The following RCC1 variants were observed in gnomAD, a reference collection of about 807,000 sequenced individuals.
RCC1 encodes the protein regulator of chromosome condensation 1.
In RCC1, 11 loss-of-function variants were observed where a neutral mutation model predicts 44.4. The ratio of observed to expected loss-of-function variants is 0.25; its 90% CI spans 0.16 to 0.41. RCC1 has a LOEUF of 0.41. RCC1 is among the 10% of genes least tolerant of loss of function. RCC1 has a pLI of 1.00. For missense variants in RCC1, 386 were observed against 547.1 expected, an observed-to-expected ratio of 0.71 and a Z score of 2.94; for synonymous variants, 213 against 216.5, an observed-to-expected ratio of 0.98 and a Z score of 0.14.
At chr1:28,532,491 C>A in intron 7 of RCC1, 141 bp downstream of exon 7, 1 of 877,552 alleles carries the variant, frequency 1.1e-6, no homozygotes, top group Non-Finnish European at 1.7e-6. Context: ...AGGCCCAGAC[C>A]CAGGACTCTA....
chr1:28,507,108 T>G (rs1378802422), intron 1 of RCC1: 1 of 230,088 alleles, frequency 4.3e-6, no homozygotes, highest in South Asian at 4.9e-5. Context: ...TCCACGTGTT[T>G]CATTTGAATT....
chr1:28,532,066 C>A, intron 6 of RCC1, 76 bp downstream of exon 6: 1 of 1,560,898 alleles, frequency 6.4e-7, no homozygotes, highest in East Asian at 2.3e-5. Context: ...TTGAACCACG[C>A]ATGTTCACTG....
chr1:28,512,830 G>A (rs376124736), intron 3 of RCC1, among the ~76,000 whole-genome samples: 5 of 151,790 alleles, frequency 3.3e-5, no homozygotes, highest in Admixed American at 6.6e-5. Context: ...TGGAGACTGC[G>A]TCTCCAAAGG....
chr1:28,516,879 T>C lies in RCC1; in HGVS notation c.-10+12T>C, dbSNP rs1410153818. ...GTAAACTTGGAGAGGTAAGAAACCCTGAAGACAGGGGAGTGCTTTGTGGCA... is the reference window on the plus strand; with the variant it reads ...GTAAACTTGGAGAGGTAAGAAACCCCGAAGACAGGGGAGTGCTTTGTGGCA... On this transcript the variant is annotated intron_variant, in intron 4 of 12. Transcript: ENST00000683442. The C allele has an allele frequency of 1.1e-5, 5 of 456,418 alleles. No individual in the cohort carries two copies. The highest frequency in any genetic ancestry group is 2.2e-5 in the Non-Finnish European group (5 of 226,926). The allele number at this position is 456,418 out of a possible 1,614,324, so 28.3% of individuals were successfully genotyped here.
chr1:28,534,553 C>T (rs1223747338), intron 7 of RCC1, among the ~76,000 whole-genome samples: 1 of 152,204 alleles, frequency 6.6e-6, no homozygotes, highest in Non-Finnish European at 1.5e-5. Context: ...CGTCTTAGCT[C>T]ATTACAGCCT....
At chr1:28,511,104 G>A (rs1557866984) in intron 3 of RCC1, among the ~76,000 whole-genome samples, 1 of 152,116 alleles carries the variant, frequency 6.6e-6, no homozygotes, top group African/African-American at 2.4e-5. Flanking sequence ...TGTTCTTTGT[G>A]TAGGCAGACA....
chr1:28,520,701 G>A (rs549639147), intron 4 of RCC1, among the ~76,000 whole-genome samples: 2 of 152,242 alleles, frequency 1.3e-5, no homozygotes, highest in Admixed American at 1.3e-4. Flanking sequence ...TGGAAGCTGT[G>A]TTGTGTGGGG....
chr1:28,517,125 A>G (rs1225383427), intron 4 of RCC1, among the ~76,000 whole-genome samples: 2 of 152,036 alleles, frequency 1.3e-5, no homozygotes, highest in African/African-American at 2.4e-5. Context: ...CGATCTCAAA[A>G]AAAAAAAAAG....
chr1:28,536,068 C>G lies in RCC1; in HGVS notation c.817+42C>G. On this transcript the variant is annotated intron_variant, in intron 10 of 12. Coordinates refer to ENST00000683442, the MANE Select transcript of RCC1 (RefSeq NM_001381865.2). The surrounding 1 kb of genome is among the most constrained non-coding windows in gnomAD (Gnocchi z 4.9). ...GCTTCAGGCATGACCCAGTGGCCTGCGTTCCTGTCCTGGCTCTGCCACTCA... is the reference window on the plus strand; with the variant it reads ...GCTTCAGGCATGACCCAGTGGCCTGGGTTCCTGTCCTGGCTCTGCCACTCA... The G allele has an allele frequency of 6.4e-7, 1 of 1,570,060 alleles. No homozygotes were observed. Among genetic ancestry groups the G allele is most frequent in the Non-Finnish European group, 8.6e-7 (1 of 1,156,236 alleles).
chr1:28,508,335 T>C, intron 2 of RCC1, 175 bp downstream of exon 2: 1 of 352,932 alleles, frequency 2.8e-6, no homozygotes, highest in Non-Finnish European at 5.6e-6. Context: ...GTAGGCATGT[T>C]GACATAACTT....
intron 4 of RCC1, among the ~76,000 whole-genome samples, chr1:28,529,414 T>C (rs1312565723): frequency 6.6e-6 from 1 of 151,956 alleles, no homozygotes; most frequent in Non-Finnish European, 1.5e-5. Flanking sequence ...GAACTCCTGA[T>C]CTCAGGTAAT....
At position 28,537,901 on chromosome 1, in the gene RCC1, G is replaced by C; in HGVS notation, c.1160G>C (p.Ser387Thr). Residue 387 changes from serine (S) to threonine (T), a missense_variant, in exon 13 of 13, where the codon AGC (serine) becomes ACC (threonine). Transcript: ENST00000683442. ...ACAGGGCAGGATGAGGACGCCTGGA[G>C]CCCTGTGGAGATGATGGGCAAACAG... ...LGTGQDEDAWSPVEMMGKQLE... is the reference protein window; with the variant it reads ...LGTGQDEDAWTPVEMMGKQLE... The C allele has an allele frequency of 6.2e-7, 1 of 1,613,732 alleles. No individual in the cohort carries two copies. The highest frequency in any genetic ancestry group is 8.5e-7 in the Non-Finnish European group (1 of 1,179,910).
intron 2 of RCC1, chr1:28,508,612 A>G: frequency 1.9e-6 from 1 of 518,848 alleles, no homozygotes; most frequent in South Asian, 1.4e-5. Context: ...CAAGTGGCAT[A>G]GGGGAGCTTA....
At chr1:28,509,219 T>C (rs1364593546) in intron 3 of RCC1, 4 of 269,772 alleles carry the variant, frequency 1.5e-5, no homozygotes, top group African/African-American at 4.5e-5. Context: ...ATTCATACTT[T>C]AAGAACCACA....
At chr1:28,529,037 ATT>A (rs779736390) in intron 4 of RCC1, among the ~76,000 whole-genome samples, 72 of 101,822 alleles carry the variant, frequency 7.1e-4, no homozygotes, top group Admixed American at 9.2e-4. Flanking sequence ...TAATTTTTGT[ATT>A]TTTTTTTTTT....
intron 4 of RCC1, among the ~76,000 whole-genome samples, chr1:28,520,875 C>G (rs1053085110): frequency 1.3e-5 from 2 of 151,998 alleles, no homozygotes; most frequent in African/African-American, 4.8e-5. Context: ...GTCAGGAGTT[C>G]AAGACCAGCC....
At chr1:28,517,636 C>T (rs1415108459) in intron 4 of RCC1, among the ~76,000 whole-genome samples, 1 of 152,074 alleles carries the variant, frequency 6.6e-6, no homozygotes. Flanking sequence ...CCATATATCC[C>T]TACTGCCTCA....
In RCC1 at chr1:28,537,518, C is replaced by G. The variant is rs1664627973; in HGVS notation, c.1091-314C>G. Among the ~76,000 whole-genome samples, 4 of 152,196 alleles carry G rather than the reference C, an allele frequency of 2.6e-5. No individual in the cohort carries two copies. The South Asian group carries it at 8.3e-4, about 31-fold the overall frequency. On this transcript the variant is annotated intron_variant, in intron 12 of 12. Transcript: ENST00000683442. Reference sequence around the variant, plus strand: ...CTTGTGAAAAGCAAAGAATGCCATTCCAGGCAGAGGAACATCAGGGCAGTC... The same window carrying G: ...CTTGTGAAAAGCAAAGAATGCCATTGCAGGCAGAGGAACATCAGGGCAGTC...
chr1:28,521,676 C>A (rs1017386876), intron 4 of RCC1, among the ~76,000 whole-genome samples: 4 of 152,188 alleles, frequency 2.6e-5, no homozygotes, highest in Non-Finnish European at 5.9e-5. Flanking sequence ...CTGTCCTTCC[C>A]CACATCTGTG....
Sources: allele counts gnomAD v4.1 joint callset (sites outside exome capture counted in the v4.1 genomes callset), GRCh38; gene constraint gnomAD v4.1.1; non-coding constraint Gnocchi (gnomAD v3.1); transcripts MANE v1.5; gene names NCBI Gene and HGNC (gene_info 2026-07-23, HGNC 2026-07-21).